AXDND1: variants seen among roughly 807,000 people sequenced by gnomAD.
The protein encoded by AXDND1 is axonemal dynein light chain domain containing 1.
AXDND1 carries 110 observed loss-of-function variants against 137.5 expected under a neutral mutation model. That is an observed-to-expected ratio of 0.80 (90% CI 0.69 to 0.94). The LOEUF (loss-of-function observed/expected upper bound fraction) is 0.94, where lower values mean the gene tolerates loss of function less well. AXDND1 is among the 40% of genes least tolerant of loss of function. The pLI is 0.00. For missense variants in AXDND1, 1,191 were observed against 1,169.8 expected (o/e 1.02, Z -0.26); for synonymous variants, 414 against 399.7 (o/e 1.04, Z -0.43).
intron 20 of AXDND1, among the ~76,000 whole-genome samples, chr1:179,502,325 G>A (rs546779718): frequency 2.0e-5 from 3 of 152,296 alleles, no homozygotes; most frequent in South Asian, 4.2e-4. Context: ...AGCACTTTGG[G>A]AGGCCGAGGT....
Position 179,535,066 on chromosome 1 carries a change from T to C in AXDND1, c.3031+104T>C, listed in dbSNP as rs957138638. ...AGAACATTAATATATTTGGTGCTAA[T>C]CTACTAGTTTATACTTCTCATAGGA... On this transcript the variant is annotated intron_variant, in intron 25 of 25. Transcript: ENST00000367618. The C allele has an allele frequency of 9.2e-6, 14 of 1,521,846 alleles. No homozygotes were observed. The African/African-American group carries it at 1.8e-4, about 19-fold the overall frequency. The allele number at this position is 1,521,846 out of a possible 1,614,324, so 94.3% of individuals were successfully genotyped here.
intron 10 of AXDND1, among the ~76,000 whole-genome samples, chr1:179,394,450 C>A (rs181573156): frequency 2.0e-5 from 3 of 151,880 alleles, no homozygotes; most frequent in African/African-American, 7.3e-5. Flanking sequence ...ATTAGACAGG[C>A]GTGGTGGCAC....
At chr1:179,488,695 CTTTCCTCTCTCTGT>C in intron 18 of AXDND1, among the ~76,000 whole-genome samples, 1 of 114,998 alleles carries the variant, frequency 8.7e-6, no homozygotes, top group Non-Finnish European at 1.8e-5. Context: ...TTCTTTCTTT[CTTTCCTCTCTCTGT>C]CTCTCTCTCT....
intron 11 of AXDND1, among the ~76,000 whole-genome samples, chr1:179,405,997 T>C (rs568244961): frequency 4.6e-5 from 7 of 152,214 alleles, no homozygotes; most frequent in Non-Finnish European, 8.8e-5. Flanking sequence ...TCTTTTGATA[T>C]AGGTGTTTAT....
At chr1:179,415,250 G>A (rs1218804400) in intron 12 of AXDND1, among the ~76,000 whole-genome samples, 2 of 152,214 alleles carry the variant, frequency 1.3e-5, no homozygotes, top group East Asian at 1.9e-4. Context: ...GCTGAGGCAC[G>A]AGAATTGCTT....
At chr1:179,530,252 A>T (rs1369176714) in intron 23 of AXDND1, among the ~76,000 whole-genome samples, 2 of 152,036 alleles carry the variant, frequency 1.3e-5, no homozygotes, top group Non-Finnish European at 2.9e-5. Context: ...GCTGGTCTTG[A>T]ACTCCTGACC....
At chr1:179,550,242 C>T (rs1171702233) in intron 25 of AXDND1, among the ~76,000 whole-genome samples, 1 of 151,942 alleles carries the variant, frequency 6.6e-6, no homozygotes, top group Non-Finnish European at 1.5e-5. Context: ...CTTATTTTTT[C>T]TGCAGATATG....
At chr1:179,444,942 T>A in intron 15 of AXDND1, 28 bp from the exon 16 acceptor site, 1 of 1,491,086 alleles carries the variant, frequency 6.7e-7, no homozygotes, top group South Asian at 1.2e-5. Context: ...GATAATATGC[T>A]ACTCTCCCTC....
At chr1:179,395,026 A>G in intron 10 of AXDND1, 72 bp from the exon 11 acceptor site, 3 of 1,322,000 alleles carry the variant, frequency 2.3e-6, no homozygotes, top group Non-Finnish European at 3.2e-6. Context: ...CTGAATATAA[A>G]TCTGATTTTC....
Position 179,430,471 on chromosome 1 carries a change from T to A in AXDND1, c.1352T>A (p.Leu451Gln), listed in dbSNP as rs758902588. 6.2e-7 allele frequency: 1 copy of A among 1,613,396 alleles called. No homozygotes were observed. Among genetic ancestry groups the A allele is most frequent in the South Asian group, 1.1e-5 (1 of 90,978 alleles). Residue 451 changes from leucine to glutamine, a missense_variant, in exon 14 of 26, where the codon CTG (leucine) becomes CAG (glutamine). Transcript: ENST00000367618. ...LSNKDTEDLALLQKLTQKWRN... is the reference protein window; with the variant it reads ...LSNKDTEDLAQLQKLTQKWRN... ...ATATAGGACACTGAAGACCTTGCAC[T>A]GTTGCAGAAGTTGACACAAAAATGG...
chr1:179,512,527 T>G (rs1418727726), intron 21 of AXDND1, among the ~76,000 whole-genome samples: 1 of 152,172 alleles, frequency 6.6e-6, no homozygotes, highest in Non-Finnish European at 1.5e-5. Context: ...TCATGCTTAG[T>G]CTTGCTTTGG....
intron 17 of AXDND1, among the ~76,000 whole-genome samples, chr1:179,477,280 C>A (rs1409566905): frequency 1.4e-5 from 2 of 146,982 alleles, no homozygotes; most frequent in Admixed American, 7.1e-5. Context: ...TCATGGATTT[C>A]TTTAGTTCTG....
chr1:179,539,411 C>T (rs953345936), intron 25 of AXDND1, among the ~76,000 whole-genome samples: 12 of 152,162 alleles, frequency 7.9e-5, no homozygotes, highest in African/African-American at 2.7e-4. Context: ...TCAGCATTTG[C>T]TTGTCTGTAA....
chr1:179,381,214 G>C (rs1648239567), intron 6 of AXDND1, among the ~76,000 whole-genome samples: 1 of 149,892 alleles, frequency 6.7e-6, no homozygotes, highest in African/African-American at 2.5e-5. Flanking sequence ...CTAATTTTTT[G>C]TATTTTTGGT....
Position 179,400,922 on chromosome 1 carries a change from A to AG in AXDND1, c.1109+5720_1109+5721insG, listed in dbSNP as rs1491103970. On this transcript the variant is annotated intron_variant, in intron 11 of 25. Transcript: ENST00000367618. ...TCTGTCTCAAAAAAAAAAAAAAAAA[A>AG]AAAAAGAAAAAAAAAAGGACACAGA... is the stretch of plus-strand genomic sequence containing the variant. Among the ~76,000 whole-genome samples the AG allele has an allele frequency of 3.1e-3, 441 of 142,130 alleles. 4 individuals are homozygous for AG. Among genetic ancestry groups the AG allele is most frequent in the African/African-American group, 0.011 (428 of 37,306 alleles). The allele number at this position is 142,130 out of a possible 152,430, so 93.2% of individuals were successfully genotyped here. A position where few individuals can be genotyped will look rare whatever the true frequency, so the allele number is the denominator to read the frequency against.
intron 23 of AXDND1, among the ~76,000 whole-genome samples, chr1:179,528,641 CTTT>C (rs34531104): frequency 1.1e-4 from 13 of 115,346 alleles, no homozygotes; most frequent in Non-Finnish European, 1.5e-4. Flanking sequence ...CTTTAAACCT[CTTT>C]TTTTTTTTTT....
At chr1:179,423,124 G>A (rs945783564) in intron 12 of AXDND1, among the ~76,000 whole-genome samples, 6 of 151,806 alleles carry the variant, frequency 4.0e-5, no homozygotes, top group Admixed American at 1.3e-4. Flanking sequence ...AGTGTTGGGC[G>A]TATAATTGTT....
At chr1:179,475,267 A>G (rs371011271) in intron 17 of AXDND1, among the ~76,000 whole-genome samples, 12 of 152,228 alleles carry the variant, frequency 7.9e-5, no homozygotes, top group South Asian at 4.1e-4. Context: ...GAAGAGGGCC[A>G]CTGTCCTCCA....
At chr1:179,434,442 G>A (rs767433925) in intron 15 of AXDND1, among the ~76,000 whole-genome samples, 68 of 152,098 alleles carry the variant, frequency 4.5e-4, no homozygotes, top group African/African-American at 1.5e-3. Flanking sequence ...ACATTGATGC[G>A]AAAATCCTCA....
Sources: gnomAD v4.1 joint callset for allele counts (sites outside exome capture counted in the v4.1 genomes callset) on GRCh38, gnomAD v4.1.1 for gene constraint, MANE v1.5 for transcripts, NCBI Gene and HGNC (gene_info 2026-07-23, HGNC 2026-07-21) for gene names.